ANKRD30B: variants seen among roughly 807,000 people sequenced by gnomAD.
The protein encoded by ANKRD30B is ankyrin repeat domain 30B.
A neutral mutation model predicts 202.2 loss-of-function variants in ANKRD30B; 144 were observed. That is an observed-to-expected ratio of 0.71 (90% confidence interval 0.62 to 0.82). The LOEUF is 0.82. Among genes scored for constraint, ANKRD30B ranks in the 40% least tolerant of loss-of-function variants. ANKRD30B has a pLI of 0.00. For synonymous variants in ANKRD30B, 508 were observed against 561.3 expected, an observed-to-expected ratio of 0.91 and a Z score of 1.34; for missense variants, 1,487 against 1,669.1, an observed-to-expected ratio of 0.89 and a Z score of 1.90.
At chr18:14,749,028 A>G (rs1344849874) in intron 1 of ANKRD30B, among the ~76,000 whole-genome samples, 1 of 152,244 alleles carries the variant, frequency 6.6e-6, no homozygotes, top group African/African-American at 2.4e-5. Flanking sequence ...TACACTATGA[A>G]ATGGTGCATA....
chr18:14,770,542 A>G (rs941713590), intron 8 of ANKRD30B, among the ~76,000 whole-genome samples: 2 of 152,142 alleles, frequency 1.3e-5, no homozygotes, highest in Non-Finnish European at 2.9e-5. Context: ...AACCCAGTGG[A>G]AGTAGATAAG....
the ANKRD30B span, among the ~76,000 whole-genome samples, chr18:14,916,074 G>A: frequency 2.9e-3 from 448 of 152,306 alleles, 2 homozygotes; most frequent in South Asian, 3.9e-3. Flanking sequence ...AATGCCTATG[G>A]ATACAGAAGA....
At chr18:14,760,759 T>C in intron 6 of ANKRD30B, 141 bp downstream of exon 6, 1 of 552,454 alleles carries the variant, frequency 1.8e-6, no homozygotes, top group Non-Finnish European at 3.2e-6. Flanking sequence ...TGTGTGTGTA[T>C]ATATATGTAT....
At chr18:14,757,500 A>G (rs985714167) in intron 4 of ANKRD30B, among the ~76,000 whole-genome samples, 4 of 152,194 alleles carry the variant, frequency 2.6e-5, no homozygotes, top group African/African-American at 7.2e-5. Flanking sequence ...ATTTTTAAGT[A>G]TAAAATATTA....
chr18:14,773,175 G>A (rs1166319203), intron 9 of ANKRD30B, among the ~76,000 whole-genome samples: 1 of 152,112 alleles, frequency 6.6e-6, no homozygotes, highest in Non-Finnish European at 1.5e-5. Flanking sequence ...TTTTTAAATT[G>A]CAGTTTTTAA....
intron 22 of ANKRD30B, among the ~76,000 whole-genome samples, 156 bp downstream of exon 22, chr18:14,799,451 T>G (rs1005846701): frequency 3.3e-5 from 5 of 152,128 alleles, no homozygotes; most frequent in African/African-American, 1.2e-4. Flanking sequence ...TTTGAGAAAA[T>G]GCCATTTACA....
At chr18:14,860,233 G>A in the ANKRD30B span, among the ~76,000 whole-genome samples, 15 of 144,880 alleles carry the variant, frequency 1.0e-4, no homozygotes, top group Admixed American at 6.2e-4. Flanking sequence ...CTTCCCAGAC[G>A]GGGCAGCTGG....
Position 14,851,988 on chromosome 18 carries a change from C to T in ANKRD30B, c.4044C>T (p.Leu1348=), listed in dbSNP as rs528934561. Residue 1348 remains leucine, a synonymous_variant, in exon 42 of 44, where the codon CTC becomes CTT. Transcript: ENST00000690538. ...VSNTIYNNEV[L]HQPLYEAQRK... ...ATACAATATATAACAATGAGGTGCT[C>T]CATCAACCACTTTATGAAGCTCAAA... 1.9e-5 allele frequency: 31 copies of T among 1,597,356 alleles called. No homozygotes were observed. In the African/African-American group the frequency reaches 4.2e-4, roughly 22 times the overall value.
At chr18:14,861,641 T>G in the ANKRD30B span, among the ~76,000 whole-genome samples, 1 of 149,640 alleles carries the variant, frequency 6.7e-6, no homozygotes, top group Non-Finnish European at 1.5e-5. Context: ...TTACTAGACC[T>G]AAGAAAAGAG....
intron 28 of ANKRD30B, among the ~76,000 whole-genome samples, chr18:14,810,629 AGTGTGTGTGTGT>A (rs376271746): frequency 6.7e-6 from 1 of 149,654 alleles, no homozygotes; most frequent in Admixed American, 6.6e-5. Context: ...TAGGTGACTG[AGTGTGTGTGTGT>A]GTGTGACATA....
At chr18:14,796,275 G>C (rs1260846941) in intron 17 of ANKRD30B, 26 bp downstream of exon 17, 7 of 1,609,178 alleles carry the variant, frequency 4.4e-6, no homozygotes, top group Non-Finnish European at 6.0e-6. Context: ...TTGCTATCTT[G>C]AATACTAACT....
chr18:14,810,916 C>G (rs550500156), intron 28 of ANKRD30B, among the ~76,000 whole-genome samples: 1 of 151,136 alleles, frequency 6.6e-6, no homozygotes, highest in African/African-American at 2.4e-5. Context: ...GAGTCGCAGA[C>G]GAGCCTGGTC....
At chr18:14,864,162 C>T in the ANKRD30B span, among the ~76,000 whole-genome samples, 1 of 152,028 alleles carries the variant, frequency 6.6e-6, no homozygotes, top group Non-Finnish European at 1.5e-5. Context: ...TGGAGAAACC[C>T]CATTTAGAAC....
intron 3 of ANKRD30B, among the ~76,000 whole-genome samples, chr18:14,754,298 T>C (rs1051850988): frequency 1.3e-5 from 2 of 152,196 alleles, no homozygotes; most frequent in South Asian, 2.1e-4. Context: ...CTTTCAAAAC[T>C]GTATGCCTGA....
chr18:14,882,579 G>C, the ANKRD30B span, among the ~76,000 whole-genome samples: 1 of 152,108 alleles, frequency 6.6e-6, no homozygotes, highest in Admixed American at 6.5e-5. Context: ...TGTGTATTCT[G>C]TGGTTGTTGG....
chr18:14,853,670 C>G (rs1971980680), intron 42 of ANKRD30B, among the ~76,000 whole-genome samples, 139 bp from the exon 43 acceptor site: 1 of 151,898 alleles, frequency 6.6e-6, no homozygotes, highest in Admixed American at 6.6e-5. Context: ...TTCTTGTGTC[C>G]TTAAGTAAAT....
the ANKRD30B span, among the ~76,000 whole-genome samples, chr18:14,907,042 G>A: frequency 1.3e-5 from 2 of 152,162 alleles, no homozygotes; most frequent in African/African-American, 4.8e-5. Flanking sequence ...AAGGAATTAT[G>A]GAGGTCAAAG....
chr18:14,769,279 T>G, intron 7 of ANKRD30B, 64 bp from the exon 8 acceptor site: 1 of 1,284,858 alleles, frequency 7.8e-7, no homozygotes, highest in East Asian at 2.6e-5. Context: ...CTTACGTTGT[T>G]AATACTCTGT....
the ANKRD30B span, among the ~76,000 whole-genome samples, chr18:14,935,988 G>C: frequency 1.3e-5 from 2 of 152,248 alleles, no homozygotes; most frequent in African/African-American, 4.8e-5. Context: ...TTTGAAAGGT[G>C]AAACCAGAAA....
Sources: gnomAD v4.1 joint callset for allele counts (sites outside exome capture counted in the v4.1 genomes callset) on GRCh38, gnomAD v4.1.1 for gene constraint, MANE v1.5 for transcripts, NCBI Gene and HGNC (gene_info 2026-07-23, HGNC 2026-07-21) for gene names.